VPS13A: variants seen among roughly 807,000 people sequenced by gnomAD.
The protein encoded by VPS13A is intermembrane lipid transfer protein VPS13A.
VPS13A carries 264 observed loss-of-function variants against 390.9 expected under a neutral mutation model. The ratio of observed to expected loss-of-function variants is 0.68; its 90% confidence interval spans 0.61 to 0.75. VPS13A has a LOEUF of 0.75. VPS13A is among the 30% of genes least tolerant of loss of function. VPS13A has a pLI of 0.00. For missense variants in VPS13A, 3,409 were observed against 3,733.9 expected, an observed-to-expected ratio of 0.91 and a Z score of 2.27; for synonymous variants, 1,231 against 1,227.1, an observed-to-expected ratio of 1.00 and a Z score of -0.07.
chr9:77,318,307 G>A lies in VPS13A; in HGVS notation c.5029G>A (p.Glu1677Lys). Residue 1677 changes from glutamate to lysine, a missense_variant, in exon 41 of 72, where the codon GAA (glutamate) becomes AAA (lysine). Coordinates refer to ENST00000360280, the MANE Select transcript of VPS13A (RefSeq NM_033305.3). Reference sequence around the variant, plus strand: ...GTATACAACTAAGGAAACCATCCCAGAAGAAACGGCTTCTTCTACTGCACA... The same window carrying A: ...GTATACAACTAAGGAAACCATCCCAAAAGAAACGGCTTCTTCTACTGCACA... ...ALYTTKETIP[E>K]ETASSTAHLW... The A allele has an allele frequency of 1.2e-6, 2 of 1,610,942 alleles. No individual in the cohort carries two copies. The highest frequency in any genetic ancestry group is 1.7e-6 in the Non-Finnish European group (2 of 1,179,224).
chr9:77,308,203 T>C (rs1828880000), intron 35 of VPS13A, 105 bp downstream of exon 35: 1 of 1,230,924 alleles, frequency 8.1e-7, no homozygotes, highest in Non-Finnish European at 1.2e-6. Context: ...TCCTCCCCTC[T>C]TTCTCCCTCC....
intron 5 of VPS13A, among the ~76,000 whole-genome samples, chr9:77,208,154 T>G (rs1825782959): frequency 6.6e-6 from 1 of 152,166 alleles, no homozygotes; most frequent in African/African-American, 2.4e-5. Flanking sequence ...AAGATTTTAT[T>G]AGGTAGTGGT....
chr9:77,313,901 T>A, intron 35 of VPS13A, 91 bp from the exon 36 acceptor site: 1 of 1,366,414 alleles, frequency 7.3e-7, no homozygotes, highest in South Asian at 1.3e-5. Flanking sequence ...CTATACCTGT[T>A]TAATAATTCT....
intron 68 of VPS13A, chr9:77,382,965 T>C (rs10869921): frequency 0.42 from 410,192 of 984,658 alleles, 86,923 homozygotes; most frequent in South Asian, 0.51. Context: ...TTCTGTGGTT[T>C]AGAGGTGGAA....
At chr9:77,212,937 T>G in intron 7 of VPS13A, 32 bp from the exon 8 acceptor site, 2 of 1,611,322 alleles carry the variant, frequency 1.2e-6, no homozygotes, top group Non-Finnish European at 1.7e-6. Context: ...TGGAATGACC[T>G]TTTTACTGCC....
At chr9:77,411,612 G>C (rs536906560) in intron 71 of VPS13A, among the ~76,000 whole-genome samples, 1 of 133,914 alleles carries the variant, frequency 7.5e-6, no homozygotes, top group African/African-American at 2.9e-5. Flanking sequence ...GCAATCAGCC[G>C]AGATGGCGCC....
chr9:77,278,276 G>A (rs971275577), intron 26 of VPS13A, among the ~76,000 whole-genome samples: 11 of 141,860 alleles, frequency 7.8e-5, no homozygotes, highest in Middle Eastern at 3.6e-3. Flanking sequence ...TAGTAGAGAC[G>A]GGGTTTCACC....
intron 46 of VPS13A, among the ~76,000 whole-genome samples, chr9:77,336,231 A>G (rs1039232112): frequency 3.9e-5 from 6 of 152,160 alleles, no homozygotes; most frequent in Admixed American, 2.0e-4. Flanking sequence ...GAGGGAGAGC[A>G]TTAGGAGAAA....
At chr9:77,354,119 T>G (rs1831628028) in intron 54 of VPS13A, among the ~76,000 whole-genome samples, 1 of 152,086 alleles carries the variant, frequency 6.6e-6, no homozygotes. Flanking sequence ...TATCTCTCCC[T>G]TATGTCCTTA....
rs2131454215 is a variant in VPS13A at position 77,322,943 on chromosome 9, A to G, written c.5831-124A>G. 3.9e-6 allele frequency: 3 copies of G among 765,714 alleles called. No individual in the cohort carries two copies. The East Asian group carries it at 8.4e-5, about 21-fold the overall frequency. The allele number at this position is 765,714 out of a possible 1,614,324, so 47.4% of individuals were successfully genotyped here. A position where few individuals can be genotyped will look rare whatever the true frequency, so the allele number is the denominator to read the frequency against. ...AATATCCCTTTTATGGACTATATCCAAAGACTCTAGTGACTATTATTTATA... is the reference window on the plus strand; with the variant it reads ...AATATCCCTTTTATGGACTATATCCGAAGACTCTAGTGACTATTATTTATA... On this transcript the variant is annotated intron_variant, in intron 44 of 71. Coordinates refer to ENST00000360280, the MANE Select transcript of VPS13A (RefSeq NM_033305.3).
At chr9:77,183,935 T>TC (rs1824174203) in intron 1 of VPS13A, among the ~76,000 whole-genome samples, 1 of 152,234 alleles carries the variant, frequency 6.6e-6, no homozygotes. Flanking sequence ...TGTCCATCTG[T>TC]CCATCTCTCT....
intron 14 of VPS13A, 124 bp from the exon 15 acceptor site, chr9:77,226,342 A>T: frequency 1.2e-6 from 1 of 853,634 alleles, no homozygotes; most frequent in South Asian, 1.6e-5. Context: ...TCTGTTATTA[A>T]TGTGTATATT....
At chr9:77,327,174 T>G (rs1225624582) in intron 45 of VPS13A, among the ~76,000 whole-genome samples, 1 of 152,172 alleles carries the variant, frequency 6.6e-6, no homozygotes, top group African/African-American at 2.4e-5. Flanking sequence ...AAACTGTGGT[T>G]TGATGTTTGT....
chr9:77,285,733 A>G (rs566797248), intron 31 of VPS13A, among the ~76,000 whole-genome samples: 4 of 152,166 alleles, frequency 2.6e-5, no homozygotes, highest in Non-Finnish European at 4.4e-5. Context: ...CAGTGCAAAT[A>G]TTTTTTGTGT....
At position 77,206,293 on chromosome 9, in the gene VPS13A, G is replaced by A. The variant is rs576250969; in HGVS notation, c.385+214G>A. ...AAATTTATCTTAAGGCAAATAATAT[G>A]TCTAGCTTATTATTATTATTAGGTT... On this transcript the variant is annotated intron_variant, in intron 5 of 71. Coordinates refer to ENST00000360280, the MANE Select transcript of VPS13A (RefSeq NM_033305.3). Among the ~76,000 whole-genome samples the A allele has an allele frequency of 2.7e-5, 4 of 149,398 alleles. No homozygotes were observed. In the South Asian group the frequency reaches 6.3e-4, roughly 24 times the overall value.
At chr9:77,283,288 A>G (rs887203113) in intron 29 of VPS13A, 67 bp from the exon 30 acceptor site, 4 of 902,064 alleles carry the variant, frequency 4.4e-6, no homozygotes, top group African/African-American at 1.7e-5. Flanking sequence ...CAGTTACTTT[A>G]TAAGTATAGT....
chr9:77,258,814 T>C (rs892671207), intron 22 of VPS13A, among the ~76,000 whole-genome samples: 5 of 152,168 alleles, frequency 3.3e-5, no homozygotes, highest in Non-Finnish European at 7.4e-5. Flanking sequence ...AGAATTGATT[T>C]TTTTTAGCAT....
chr9:77,407,662 A>G (rs1428399007), intron 71 of VPS13A, 55 bp downstream of exon 71: 4 of 1,319,252 alleles, frequency 3.0e-6, no homozygotes, highest in Non-Finnish European at 4.3e-6. Context: ...AAAATCATGT[A>G]AGTGGACTAT....
chr9:77,187,634 CAA>C (rs1491161346), intron 1 of VPS13A, among the ~76,000 whole-genome samples: 1 of 144,360 alleles, frequency 6.9e-6, no homozygotes, highest in East Asian at 2.1e-4. Flanking sequence ...CACACACACA[CAA>C]TGTTAGCTGC....
Sources: gnomAD v4.1 joint callset for allele counts (sites outside exome capture counted in the v4.1 genomes callset) on GRCh38, gnomAD v4.1.1 for gene constraint, MANE v1.5 for transcripts, NCBI Gene and HGNC (gene_info 2026-07-23, HGNC 2026-07-21) for gene names.